UXS1: variants seen among roughly 807,000 people sequenced by gnomAD.
UXS1 encodes UDP-glucuronate decarboxylase 1, also known as UDP-glucuronic acid decarboxylase 1.
UXS1 carries 33 observed loss-of-function variants against 62.6 expected under a neutral mutation model. The ratio of observed to expected loss-of-function variants is 0.53; its 90% CI spans 0.40 to 0.70. UXS1 has a LOEUF of 0.70. Ranked by LOEUF, UXS1 falls within the 30% of genes least tolerant of loss-of-function variation. The pLI is 0.00. For synonymous variants in UXS1, 213 were observed against 206.8 expected (o/e 1.03, Z -0.26); for missense variants, 434 against 556.3 (o/e 0.78, Z 2.21).
intron 1 of UXS1, among the ~76,000 whole-genome samples, chr2:106,192,049 A>C (rs1402818490): frequency 6.6e-6 from 1 of 152,176 alleles, no homozygotes; most frequent in Non-Finnish European, 1.5e-5. Context: ...TTGAGGTGGG[A>C]GACAAGCAGT....
At chr2:106,189,923 G>C (rs1277598813) in intron 1 of UXS1, among the ~76,000 whole-genome samples, 1 of 152,224 alleles carries the variant, frequency 6.6e-6, no homozygotes, top group Non-Finnish European at 1.5e-5. Flanking sequence ...GGAAGAGGAA[G>C]TCAGGAAACA....
At chr2:106,164,368 A>AAGTGGATG in intron 3 of UXS1, among the ~76,000 whole-genome samples, 1 of 4,042 alleles carries the variant, frequency 2.5e-4, no homozygotes, top group African/African-American at 4.8e-4. Flanking sequence ...CCATCTGTGC[A>AAGTGGATG]CGTGGCCTAG....
At chr2:106,102,056 T>C (rs1165631962) in intron 11 of UXS1, 4 of 152,330 alleles carry the variant, frequency 2.6e-5, no homozygotes, top group South Asian at 4.1e-4. Flanking sequence ...TTGCTTTCAA[T>C]TGAAAAAACC....
At chr2:106,185,618 G>T (rs969455273) in intron 1 of UXS1, among the ~76,000 whole-genome samples, 1 of 152,198 alleles carries the variant, frequency 6.6e-6, no homozygotes, top group Non-Finnish European at 1.5e-5. Flanking sequence ...GTTTAACGGT[G>T]CCCCCTAAAA....
intron 6 of UXS1, among the ~76,000 whole-genome samples, chr2:106,144,362 G>A (rs1011980528): frequency 1.3e-5 from 2 of 152,282 alleles, no homozygotes; most frequent in Admixed American, 6.5e-5. Context: ...ATCTTGGAAC[G>A]GTTAGAGCAG....
At chr2:106,149,389 C>T (rs993292205) in intron 5 of UXS1, among the ~76,000 whole-genome samples, 4 of 152,166 alleles carry the variant, frequency 2.6e-5, no homozygotes, top group Non-Finnish European at 4.4e-5. Flanking sequence ...CCCAGTGCAA[C>T]AGTGTTAAAA....
At chr2:106,106,716 A>G (rs1678101932) in intron 10 of UXS1, among the ~76,000 whole-genome samples, 1 of 152,222 alleles carries the variant, frequency 6.6e-6, no homozygotes, top group African/African-American at 2.4e-5. Flanking sequence ...TACTTCTGAT[A>G]CATGTGAGGA....
chr2:106,118,029 T>C (rs910182872), intron 9 of UXS1, among the ~76,000 whole-genome samples: 1 of 152,152 alleles, frequency 6.6e-6, no homozygotes. Flanking sequence ...TGAGGTTTGC[T>C]CTGCAGCAGG....
At chr2:106,126,167 C>T (rs1679930252) in intron 7 of UXS1, among the ~76,000 whole-genome samples, 1 of 152,190 alleles carries the variant, frequency 6.6e-6, no homozygotes, top group African/African-American at 2.4e-5. Flanking sequence ...GTTCAGCTTA[C>T]ACAGCACCTT....
intron 5 of UXS1, 38 bp downstream of exon 5, chr2:106,158,017 TTTC>T: frequency 1.3e-6 from 2 of 1,483,086 alleles, no homozygotes; most frequent in African/African-American, 2.8e-5. Flanking sequence ...AAAAAGAAAG[TTTC>T]TTAATATTAC....
In UXS1 at chr2:106,179,284, C is replaced by T. The variant is rs527823619; in HGVS notation, c.95-13201G>A. ...CCCCCGCTCTTGCTCTGACTTCAAA[C>T]CCTGGCTCTTCCCCTGACCCTCTCC... On this transcript the variant is annotated intron_variant, in intron 1 of 14. Transcript: ENST00000283148. Among the ~76,000 whole-genome samples the T allele has an allele frequency of 4.6e-4, 67 of 145,998 alleles. No homozygotes were observed. The South Asian group carries it at 9.7e-3, about 21-fold the overall frequency.
At chr2:106,126,098 T>C (rs1371416443) in intron 7 of UXS1, among the ~76,000 whole-genome samples, 1 of 152,194 alleles carries the variant, frequency 6.6e-6, no homozygotes, top group African/African-American at 2.4e-5. Flanking sequence ...TGGGCTCTTC[T>C]AACTGCCCAT....
chr2:106,165,921 T>C (rs1683183215), intron 2 of UXS1, 135 bp downstream of exon 2: 3 of 742,666 alleles, frequency 4.0e-6, no homozygotes, highest in South Asian at 2.5e-5. Flanking sequence ...ACAGCTCAGA[T>C]ATGTGAATAG....
chr2:106,176,032 T>C (rs1683856139), intron 1 of UXS1, among the ~76,000 whole-genome samples: 1 of 152,148 alleles, frequency 6.6e-6, no homozygotes, highest in Non-Finnish European at 1.5e-5. Flanking sequence ...CACCCACAGC[T>C]TGCCCTACCA....
chr2:106,177,153 C>A (rs958948481), intron 1 of UXS1, among the ~76,000 whole-genome samples: 3 of 150,874 alleles, frequency 2.0e-5, no homozygotes, highest in Admixed American at 6.6e-5. Context: ...ACAGCAGGGT[C>A]AATGTTTTTG....
intron 1 of UXS1, among the ~76,000 whole-genome samples, chr2:106,190,710 T>C (rs1239751792): frequency 7.7e-6 from 1 of 130,324 alleles, no homozygotes; most frequent in African/African-American, 3.0e-5. Flanking sequence ...GCCACTGCAC[T>C]CCAGCCTGGG....
At chr2:106,108,209 C>T (rs780073869) in intron 10 of UXS1, among the ~76,000 whole-genome samples, 1 of 152,218 alleles carries the variant, frequency 6.6e-6, no homozygotes, top group Non-Finnish European at 1.5e-5. Flanking sequence ...TTCACTAACA[C>T]AGTACTTTGC....
intron 1 of UXS1, among the ~76,000 whole-genome samples, chr2:106,192,935 T>C (rs1297955626): frequency 6.6e-6 from 1 of 152,214 alleles, no homozygotes; most frequent in East Asian, 1.9e-4. Flanking sequence ...CAACTTTAAA[T>C]GGTCTTTCCT....
At chr2:106,117,162 G>GT (rs1253878263) in intron 9 of UXS1, among the ~76,000 whole-genome samples, 2 of 152,224 alleles carry the variant, frequency 1.3e-5, no homozygotes, top group Non-Finnish European at 2.9e-5. Flanking sequence ...CCCAGTGTGA[G>GT]TGAGTACGCC....
Sources: allele counts gnomAD v4.1 joint callset (sites outside exome capture counted in the v4.1 genomes callset), GRCh38; gene constraint gnomAD v4.1.1; transcripts MANE v1.5; gene names NCBI Gene and HGNC (gene_info 2026-07-23, HGNC 2026-07-21).